PARD3: variants seen among roughly 807,000 people sequenced by gnomAD.
The protein encoded by PARD3 is par-3 family cell polarity regulator.
PARD3 carries 75 observed loss-of-function variants against 155.4 expected under a neutral mutation model. That is an observed-to-expected ratio of 0.48 (90% CI 0.40 to 0.58). The LOEUF is 0.58. Among genes scored for constraint, PARD3 ranks in the 20% least tolerant of loss-of-function variants. The pLI is 0.00. For synonymous variants in PARD3, 576 were observed against 610.5 expected, an observed-to-expected ratio of 0.94 and a Z score of 0.83; for missense variants, 1,642 against 1,721.7, an observed-to-expected ratio of 0.95 and a Z score of 0.82.
chr10:34,368,952 C>T (rs955954007), intron 12 of PARD3, among the ~76,000 whole-genome samples: 2 of 151,204 alleles, frequency 1.3e-5, no homozygotes, highest in Non-Finnish European at 2.9e-5. Flanking sequence ...AAAATTCAGT[C>T]ATAGTTTATC....
At chr10:34,393,334 C>A (rs1305003069) in intron 7 of PARD3, among the ~76,000 whole-genome samples, 1 of 152,008 alleles carries the variant, frequency 6.6e-6, no homozygotes, top group Non-Finnish European at 1.5e-5. Context: ...AATCCATGCA[C>A]TTTGGGAGGA....
intron 7 of PARD3, among the ~76,000 whole-genome samples, chr10:34,391,357 G>A (rs758064771): frequency 2.6e-5 from 4 of 152,194 alleles, no homozygotes; most frequent in South Asian, 2.1e-4. Flanking sequence ...CTGCACAGGG[G>A]CCTAGCGCCC....
At chr10:34,685,596 C>CT (rs11407073) in intron 2 of PARD3, among the ~76,000 whole-genome samples, 84,578 of 145,828 alleles carry the variant, frequency 0.58, 25,428 homozygotes, top group Non-Finnish European at 0.67. Flanking sequence ...TTCCCGCAAT[C>CT]TTTTTTTTTT....
intron 2 of PARD3, among the ~76,000 whole-genome samples, chr10:34,624,945 A>G (rs935868437): frequency 6.6e-5 from 10 of 152,198 alleles, no homozygotes; most frequent in African/African-American, 2.2e-4. Flanking sequence ...CTCAACAAGC[A>G]CATGTCAACA....
intron 12 of PARD3, among the ~76,000 whole-genome samples, chr10:34,366,264 T>A (rs1347648890): frequency 6.6e-6 from 1 of 152,226 alleles, no homozygotes; most frequent in African/African-American, 2.4e-5. Flanking sequence ...GATAAGATAT[T>A]CAACACTTTA....
chr10:34,190,124 G>A (rs1276683690), intron 22 of PARD3, among the ~76,000 whole-genome samples: 1 of 152,180 alleles, frequency 6.6e-6, no homozygotes, highest in Admixed American at 6.5e-5. Flanking sequence ...TAAGGTAGCT[G>A]TAAGAAAAGT....
chr10:34,588,554 T>C (rs541621776), intron 2 of PARD3, among the ~76,000 whole-genome samples: 2 of 152,332 alleles, frequency 1.3e-5, no homozygotes, highest in East Asian at 3.9e-4. Context: ...TTTATTACCA[T>C]ACCTGTGACC....
intron 15 of PARD3, chr10:34,345,647 A>C: frequency 1.0e-6 from 1 of 985,456 alleles, no homozygotes; most frequent in Non-Finnish European, 1.2e-6. Context: ...TGTCTTTGGA[A>C]CTATGGAATT....
rs1324503244 is a variant in PARD3 at position 34,802,901 on chromosome 10, C to G, written c.120+11975G>C. On this transcript the variant is annotated intron_variant, in intron 1 of 24. Transcript: ENST00000374788. ...TTCACATTCTCTCTTTGAACCCAGACAACAACCCCACAAAGCAGGTGGTAT... is the reference window on the plus strand; with the variant it reads ...TTCACATTCTCTCTTTGAACCCAGAGAACAACCCCACAAAGCAGGTGGTAT... Among the ~76,000 whole-genome samples, 3 of 151,886 alleles carry G rather than the reference C, an allele frequency of 2.0e-5. No homozygotes were observed. In the East Asian group the frequency reaches 5.8e-4, roughly 29 times the overall value.
At chr10:34,286,383 G>C (rs1956391476) in intron 20 of PARD3, among the ~76,000 whole-genome samples, 2 of 152,144 alleles carry the variant, frequency 1.3e-5, no homozygotes, top group Non-Finnish European at 2.9e-5. Context: ...AACAACATCA[G>C]ACTGCACAGT....
chr10:34,596,528 A>G (rs1202333978), intron 2 of PARD3, among the ~76,000 whole-genome samples: 12 of 152,140 alleles, frequency 7.9e-5, no homozygotes, highest in Admixed American at 7.9e-4. Context: ...CCCTTATAAA[A>G]CCACCAGATC....
chr10:34,622,612 T>A (rs2091745374), intron 2 of PARD3, among the ~76,000 whole-genome samples: 2 of 152,220 alleles, frequency 1.3e-5, no homozygotes, highest in Non-Finnish European at 2.9e-5. Flanking sequence ...TTAGGCCCCA[T>A]CAGGCTACAT....
chr10:34,352,574 T>G (rs1449438276), intron 14 of PARD3, among the ~76,000 whole-genome samples: 1 of 152,232 alleles, frequency 6.6e-6, no homozygotes. Context: ...CTCCAGCTCC[T>G]GACCGCGAGT....
intron 21 of PARD3, among the ~76,000 whole-genome samples, chr10:34,275,299 C>A (rs1392833256): frequency 6.6e-6 from 1 of 152,234 alleles, no homozygotes; most frequent in Non-Finnish European, 1.5e-5. Flanking sequence ...GCAGCTTACA[C>A]TGGTGGTGAA....
intron 9 of PARD3, among the ~76,000 whole-genome samples, chr10:34,378,542 T>G (rs1240872223): frequency 6.6e-6 from 1 of 152,132 alleles, no homozygotes; most frequent in Non-Finnish European, 1.5e-5. Flanking sequence ...AACAAAAATG[T>G]CCAGGGAGAT....
chr10:34,714,356 C>G (rs1225160928), intron 1 of PARD3, among the ~76,000 whole-genome samples: 1 of 152,138 alleles, frequency 6.6e-6, no homozygotes, highest in Non-Finnish European at 1.5e-5. Flanking sequence ...ATAAATGAAC[C>G]CTGATGAAGG....
intron 2 of PARD3, among the ~76,000 whole-genome samples, chr10:34,596,262 CACTT>C (rs199743506): frequency 6.6e-6 from 1 of 151,454 alleles, no homozygotes. Flanking sequence ...GAAATGTACT[CACTT>C]AGTTGACCAT....
At chr10:34,633,067 A>G (rs1023912083) in intron 2 of PARD3, among the ~76,000 whole-genome samples, 4 of 152,238 alleles carry the variant, frequency 2.6e-5, no homozygotes, top group African/African-American at 9.6e-5. Context: ...TTGACAAGTT[A>G]TCATTGAGGT....
At chr10:34,419,651 AT>A (rs1554853046) in intron 5 of PARD3, among the ~76,000 whole-genome samples, 3 of 152,234 alleles carry the variant, frequency 2.0e-5, no homozygotes, top group Non-Finnish European at 4.4e-5. Context: ...ACTAGGCAGT[AT>A]TTCGCCATTA....
Sources: gnomAD v4.1 joint callset for allele counts (sites outside exome capture counted in the v4.1 genomes callset) on GRCh38, gnomAD v4.1.1 for gene constraint, MANE v1.5 for transcripts, NCBI Gene and HGNC (gene_info 2026-07-23, HGNC 2026-07-21) for gene names.